The following SKIC2 variants were observed in gnomAD, a reference collection of about 807,000 sequenced individuals.
SKIC2 encodes the protein SKI2 subunit of superkiller complex, also known as superkiller complex protein 2.
At chr6:31,962,987 T>G in the SKIC2 span, 1 of 1,606,878 alleles carries the variant, frequency 6.2e-7, no homozygotes, top group South Asian at 1.1e-5. This position sits in a 1 kb window ranked among gnomAD's most constrained non-coding sequence, Gnocchi z 5.0. Context: ...GTGCCCAGCG[T>G]GGGGTCGTGT....
the SKIC2 span, chr6:31,959,928 T>C: frequency 9.8e-7 from 1 of 1,024,144 alleles, no homozygotes; most frequent in South Asian, 1.3e-5. Flanking sequence ...ATTTCTGATC[T>C]GAACACAAGT....
chr6:31,962,227 A>C, the SKIC2 span, among the ~76,000 whole-genome samples: 1 of 152,160 alleles, frequency 6.6e-6, no homozygotes, highest in African/African-American at 2.4e-5. The surrounding 1 kb of genome is among the most constrained non-coding windows in gnomAD (Gnocchi z 5.0). Flanking sequence ...GTGGGGAGAA[A>C]GTTTAGAAGA....
the SKIC2 span, chr6:31,960,806 A>G: frequency 8.2e-7 from 1 of 1,214,908 alleles, no homozygotes; most frequent in Non-Finnish European, 1.2e-6. Context: ...GGCTACTGCT[A>G]GCCCTCCCAT....
At chr6:31,962,754 G>C in the SKIC2 span, 1 of 1,612,890 alleles carries the variant, frequency 6.2e-7, no homozygotes, top group Non-Finnish European at 8.5e-7. The surrounding 1 kb of genome is among the most constrained non-coding windows in gnomAD (Gnocchi z 5.0). Context: ...TCGGGACCTG[G>C]AGTGGGTCAT....
the SKIC2 span, chr6:31,960,312 C>CA: frequency 6.2e-7 from 1 of 1,613,308 alleles, no homozygotes; most frequent in Admixed American, 1.7e-5. Flanking sequence ...CACCCAACCA[C>CA]AGGCCAGATA....
chr6:31,962,716 C>G, the SKIC2 span: 1 of 1,612,700 alleles, frequency 6.2e-7, no homozygotes, highest in Non-Finnish European at 8.5e-7. This position sits in a 1 kb window ranked among gnomAD's most constrained non-coding sequence, Gnocchi z 5.0. Flanking sequence ...CTCCCCAGCT[C>G]CATGCTGTAC....
At chr6:31,964,092 T>C in the SKIC2 span, 1 of 1,612,602 alleles carries the variant, frequency 6.2e-7, no homozygotes, top group Middle Eastern at 1.6e-4. The surrounding 1 kb of genome is among the most constrained non-coding windows in gnomAD (Gnocchi z 5.0). Flanking sequence ...GCTGCCTTGC[T>C]CGCCTCCGTG....
chr6:31,966,152 G>A, the SKIC2 span: 1 of 631,252 alleles, frequency 1.6e-6, no homozygotes, highest in Non-Finnish European at 2.7e-6. The surrounding 1 kb of genome is among the most constrained non-coding windows in gnomAD (Gnocchi z 5.9). Context: ...CTGGAGTGCA[G>A]TGGCACAATC....
the SKIC2 span, chr6:31,969,459 TG>T: frequency 6.2e-7 from 1 of 1,613,976 alleles, no homozygotes; most frequent in Non-Finnish European, 8.5e-7. This position sits in a 1 kb window ranked among gnomAD's most constrained non-coding sequence, Gnocchi z 6.1. Flanking sequence ...GACGGCTGGC[TG>T]GGGAGAACCT....
chr6:31,967,947 T>A, the SKIC2 span: 1 of 1,613,074 alleles, frequency 6.2e-7, no homozygotes, highest in Non-Finnish European at 8.5e-7. This position sits in a 1 kb window ranked among gnomAD's most constrained non-coding sequence, Gnocchi z 4.9. Flanking sequence ...TGCTCTCCCC[T>A]TTTCACAGGG....
chr6:31,962,490 C>A, the SKIC2 span: 6 of 1,614,000 alleles, frequency 3.7e-6, no homozygotes, highest in African/African-American at 8.0e-5. This position sits in a 1 kb window ranked among gnomAD's most constrained non-coding sequence, Gnocchi z 5.0. Context: ...AGTTCCGGGA[C>A]TTCCGAAACA....
At chr6:31,961,813 T>C in the SKIC2 span, 1 of 1,560,612 alleles carries the variant, frequency 6.4e-7, no homozygotes, top group Admixed American at 1.7e-5. Context: ...CTCGGCTGGC[T>C]CCGGCCTTCA....
the SKIC2 span, chr6:31,967,620 G>C: frequency 7.1e-7 from 1 of 1,408,278 alleles, no homozygotes; most frequent in Non-Finnish European, 9.9e-7. The surrounding 1 kb of genome is among the most constrained non-coding windows in gnomAD (Gnocchi z 4.9). Context: ...CTGCATGGTT[G>C]CTTCCTGATT....
chr6:31,969,727 AAAAACATG>A, the SKIC2 span: 2 of 1,584,012 alleles, frequency 1.3e-6, no homozygotes, highest in Non-Finnish European at 1.7e-6. This position sits in a 1 kb window ranked among gnomAD's most constrained non-coding sequence, Gnocchi z 6.1. Flanking sequence ...TGCCCCATGT[AAAAACATG>A]ATGATAAAAC....
chr6:31,966,878 CAGG>C, the SKIC2 span: 1 of 1,613,892 alleles, frequency 6.2e-7, no homozygotes, highest in Non-Finnish European at 8.5e-7. This position sits in a 1 kb window ranked among gnomAD's most constrained non-coding sequence, Gnocchi z 5.9. Context: ...GTGTGTGGAG[CAGG>C]AGGTTGGCCA....
the SKIC2 span, chr6:31,966,110 T>C: frequency 2.3e-6 from 2 of 853,666 alleles, no homozygotes; most frequent in African/African-American, 3.4e-5. This position sits in a 1 kb window ranked among gnomAD's most constrained non-coding sequence, Gnocchi z 5.9. Flanking sequence ...TCCTTTTTTT[T>C]TTGGAGACAG....
the SKIC2 span, chr6:31,968,202 G>A: frequency 1.3e-6 from 2 of 1,488,636 alleles, no homozygotes; most frequent in Non-Finnish European, 9.3e-7. This position sits in a 1 kb window ranked among gnomAD's most constrained non-coding sequence, Gnocchi z 6.1. Context: ...TTGTAGTGAG[G>A]GGGCTCCCCC....
At chr6:31,963,552 A>T in the SKIC2 span, 1 of 1,579,964 alleles carries the variant, frequency 6.3e-7, no homozygotes, top group Non-Finnish European at 8.6e-7. This position sits in a 1 kb window ranked among gnomAD's most constrained non-coding sequence, Gnocchi z 5.3. Flanking sequence ...AGCCTTCCAT[A>T]CAAAAGGGTA....
At chr6:31,969,605 C>CG in the SKIC2 span, 37 of 1,613,132 alleles carry the variant, frequency 2.3e-5, no homozygotes, top group East Asian at 6.7e-5. This position sits in a 1 kb window ranked among gnomAD's most constrained non-coding sequence, Gnocchi z 6.1. Context: ...TCGCTCACTG[C>CG]GGGGGGCAGC....
Sources: allele counts gnomAD v4.1 joint callset (sites outside exome capture counted in the v4.1 genomes callset), GRCh38; gene constraint gnomAD v4.1.1; non-coding constraint Gnocchi (gnomAD v3.1); transcripts MANE v1.5; gene names NCBI Gene and HGNC (gene_info 2026-07-23, HGNC 2026-07-21).